The following ZNF487 variants were observed in gnomAD, a reference collection of about 807,000 sequenced individuals.
The protein encoded by ZNF487 is KRAB domain only 1.
Under a neutral mutation model 3.0 loss-of-function variants are expected in ZNF487, and 4 were observed. The observed-to-expected ratio is 1.35, with a 90% confidence interval of 0.66 to 3.08. The LOEUF (loss-of-function observed/expected upper bound fraction) is 3.08. Ranked by LOEUF, ZNF487 falls within the 30% of genes most tolerant of loss-of-function variation. ZNF487 has a pLI of 0.01. For synonymous variants in ZNF487, 55 were observed against 34.6 expected, an observed-to-expected ratio of 1.59 and a Z score of -2.06; for missense variants, 146 against 98.7, an observed-to-expected ratio of 1.48 and a Z score of -2.03.
At chr10:43,479,156 G>T (rs553462150) in intron 3 of ZNF487, among the ~76,000 whole-genome samples, 5 of 148,582 alleles carry the variant, frequency 3.4e-5, no homozygotes, top group South Asian at 2.1e-4. Context: ...TACTGATGAG[G>T]TCTTGCTGTG....
intron 1 of ZNF487, among the ~76,000 whole-genome samples, chr10:43,463,833 GTTA>G (rs1840535875): frequency 6.7e-6 from 1 of 150,056 alleles, no homozygotes; most frequent in African/African-American, 2.5e-5. Context: ...TGTGATTTCT[GTTA>G]TTATTATTGT....
chr10:43,508,393 A>T, the ZNF487 span, among the ~76,000 whole-genome samples: 5 of 152,248 alleles, frequency 3.3e-5, no homozygotes, highest in African/African-American at 1.2e-4. Flanking sequence ...ACATGGTCAT[A>T]GCACTTATGA....
At chr10:43,498,109 TTTTTC>T in the ZNF487 span, among the ~76,000 whole-genome samples, 34 of 9,406 alleles carry the variant, frequency 3.6e-3, 1 homozygote, top group East Asian at 0.021. Context: ...ATTTTTTTTT[TTTTTC>T]TTTTTTTTTT....
chr10:43,470,364 C>A (rs1228669427), intron 1 of ZNF487, among the ~76,000 whole-genome samples: 1 of 152,024 alleles, frequency 6.6e-6, no homozygotes, highest in Non-Finnish European at 1.5e-5. Context: ...CAGGTGCATG[C>A]CACTATGCCC....
At chr10:43,521,847 T>C in the ZNF487 span, among the ~76,000 whole-genome samples, 11 of 151,688 alleles carry the variant, frequency 7.3e-5, no homozygotes, top group African/African-American at 2.7e-4. Flanking sequence ...TATATTCATA[T>C]ATGTAATATA....
At chr10:43,495,268 G>A in the ZNF487 span, among the ~76,000 whole-genome samples, 1 of 150,174 alleles carries the variant, frequency 6.7e-6, no homozygotes, top group Non-Finnish European at 1.5e-5. Flanking sequence ...ATTAGAGACG[G>A]AGTCTTGCTC....
At chr10:43,520,905 T>C in the ZNF487 span, among the ~76,000 whole-genome samples, 2 of 152,176 alleles carry the variant, frequency 1.3e-5, no homozygotes, top group Non-Finnish European at 2.9e-5. Flanking sequence ...CAATAGCAAA[T>C]AGAATCCATT....
intron 1 of ZNF487, among the ~76,000 whole-genome samples, chr10:43,439,224 A>G (rs1589015714): frequency 6.6e-6 from 1 of 152,046 alleles, no homozygotes; most frequent in African/African-American, 2.4e-5. Context: ...CCTGGGTGAC[A>G]GAACGAGATT....
chr10:43,502,687 A>G, the ZNF487 span, among the ~76,000 whole-genome samples: 1 of 152,124 alleles, frequency 6.6e-6, no homozygotes, highest in African/African-American at 2.4e-5. Flanking sequence ...TGGTTTATGT[A>G]TTTACTATAC....
At chr10:43,505,830 A>G in the ZNF487 span, among the ~76,000 whole-genome samples, 3 of 151,974 alleles carry the variant, frequency 2.0e-5, no homozygotes, top group African/African-American at 7.2e-5. Flanking sequence ...TTTAGTAGAG[A>G]CAGGATTTCA....
chr10:43,474,520 A>G (rs892083307), intron 1 of ZNF487, among the ~76,000 whole-genome samples: 1 of 152,146 alleles, frequency 6.6e-6, no homozygotes, highest in Non-Finnish European at 1.5e-5. Context: ...TGCAATGATC[A>G]TGCCTGTGAA....
the ZNF487 span, among the ~76,000 whole-genome samples, chr10:43,496,979 T>G: frequency 6.6e-6 from 1 of 152,220 alleles, no homozygotes; most frequent in Admixed American, 6.5e-5. Context: ...CCTTAATAAA[T>G]ATAATACACT....
At chr10:43,445,931 A>G (rs1455706921) in intron 1 of ZNF487, among the ~76,000 whole-genome samples, 2 of 152,162 alleles carry the variant, frequency 1.3e-5, no homozygotes, top group South Asian at 2.1e-4. Context: ...CACATCTTGC[A>G]CCGCCCTTAA....
chr10:43,447,985 A>T (rs1283421320), intron 1 of ZNF487, among the ~76,000 whole-genome samples: 238 of 100,102 alleles, frequency 2.4e-3, no homozygotes, highest in Middle Eastern at 7.6e-3. Flanking sequence ...CTTGGAAACC[A>T]TTTTTTTTTT....
intron 1 of ZNF487, among the ~76,000 whole-genome samples, chr10:43,446,449 C>T (rs1233326171): frequency 1.7e-4 from 26 of 148,872 alleles, no homozygotes; most frequent in South Asian, 2.2e-4. Context: ...GGGTCGCCGC[C>T]GGGCAGAGGC....
chr10:43,465,986 G>T (rs1276202371), intron 1 of ZNF487, among the ~76,000 whole-genome samples: 1 of 152,220 alleles, frequency 6.6e-6, no homozygotes. Context: ...AGGAGCTGGA[G>T]ACCAGCCCGG....
At chr10:43,462,491 CTG>C (rs1840468267) in intron 1 of ZNF487, among the ~76,000 whole-genome samples, 1 of 132,436 alleles carries the variant, frequency 7.6e-6, no homozygotes, top group African/African-American at 2.8e-5. Context: ...GAGTCTCCCT[CTG>C]TCACCAGGCT....
chr10:43,491,866 ATG>A, the ZNF487 span, among the ~76,000 whole-genome samples: 1 of 151,836 alleles, frequency 6.6e-6, no homozygotes, highest in East Asian at 1.9e-4. Flanking sequence ...TCAAGGATAT[ATG>A]TAGGACTTAT....
chr10:43,498,594 A>C, the ZNF487 span, among the ~76,000 whole-genome samples: 4 of 151,274 alleles, frequency 2.6e-5, no homozygotes, highest in Non-Finnish European at 5.9e-5. Flanking sequence ...GCTATAATTT[A>C]TTGAGTTGGC....
Sources: gnomAD v4.1 joint callset for allele counts (sites outside exome capture counted in the v4.1 genomes callset) on GRCh38, gnomAD v4.1.1 for gene constraint, MANE v1.5 for transcripts, NCBI Gene and HGNC (gene_info 2026-07-23, HGNC 2026-07-21) for gene names.